KIRREL3: variants seen among roughly 807,000 people sequenced by gnomAD.
KIRREL3 encodes kirre like nephrin family adhesion molecule 3, also known as kin of IRRE-like protein 3.
In KIRREL3, 36 loss-of-function variants were observed where a neutral mutation model predicts 89.7. The ratio of observed to expected loss-of-function variants is 0.40; its 90% CI spans 0.31 to 0.53. The LOEUF (loss-of-function observed/expected upper bound fraction) is 0.53. KIRREL3 is among the 20% of genes least tolerant of loss of function. KIRREL3 has a pLI of 0.49. For missense variants in KIRREL3, 864 were observed against 1,056.6 expected (o/e 0.82, Z 2.53); for synonymous variants, 445 against 441.4 (o/e 1.01, Z -0.10).
intron 1 of KIRREL3, among the ~76,000 whole-genome samples, chr11:126,583,882 A>AC (rs1384006628): frequency 2.6e-5 from 4 of 152,148 alleles, no homozygotes; most frequent in Admixed American, 2.6e-4. Flanking sequence ...CCTGTGTGCA[A>AC]CCCGCTGTGG....
intron 1 of KIRREL3, among the ~76,000 whole-genome samples, chr11:126,737,137 G>A (rs1948827575): frequency 6.6e-6 from 1 of 152,158 alleles, no homozygotes; most frequent in African/African-American, 2.4e-5. Flanking sequence ...CTTGCCAAGG[G>A]GAAAATGAAT....
At chr11:126,665,731 C>A (rs1945632140) in intron 1 of KIRREL3, among the ~76,000 whole-genome samples, 1 of 152,202 alleles carries the variant, frequency 6.6e-6, no homozygotes, top group Non-Finnish European at 1.5e-5. Flanking sequence ...TTTGTTACTG[C>A]AGCCCAAATG....
chr11:126,433,232 C>A (rs1311469717), intron 13 of KIRREL3, among the ~76,000 whole-genome samples: 1 of 152,230 alleles, frequency 6.6e-6, no homozygotes, highest in Non-Finnish European at 1.5e-5. Flanking sequence ...CTGAGCCCCT[C>A]CCCAGCCTAC....
chr11:126,894,090 A>T (rs1946038695), intron 1 of KIRREL3, among the ~76,000 whole-genome samples: 1 of 152,162 alleles, frequency 6.6e-6, no homozygotes, highest in Admixed American at 6.5e-5. Flanking sequence ...TGACACGTCC[A>T]CCTCGTCCTG....
chr11:126,706,068 C>T (rs1224214223), intron 1 of KIRREL3, among the ~76,000 whole-genome samples: 1 of 152,190 alleles, frequency 6.6e-6, no homozygotes, highest in African/African-American at 2.4e-5. Flanking sequence ...ACCACTAGGG[C>T]CTTCTAGCCC....
At chr11:126,502,085 T>C (rs917274581) in intron 4 of KIRREL3, among the ~76,000 whole-genome samples, 4 of 152,270 alleles carry the variant, frequency 2.6e-5, no homozygotes, top group Admixed American at 2.6e-4. Context: ...ATAATGAATG[T>C]AAAAAACTCT....
rs984820335 is a variant in KIRREL3, at chr11:126,531,849, G to A, written c.134-5162C>T. ...GTGTTCCCAGCTGTGGGTGAGCACC[G>A]GTTACACGTCTGTCACATGTGCCTT... is the stretch of plus-strand genomic sequence containing the variant. On this transcript the variant is annotated intron_variant, in intron 2 of 16. Transcript: ENST00000525144. The surrounding 1 kb of genome is among the most constrained non-coding windows in gnomAD (Gnocchi z 4.7). Among the ~76,000 whole-genome samples, 2 of 152,168 alleles carry A rather than the reference G, an allele frequency of 1.3e-5. No homozygotes were observed. Among genetic ancestry groups the A allele is most frequent in the Non-Finnish European group, 2.9e-5 (2 of 68,040 alleles).
rs1223368153 is a variant in KIRREL3 at position 126,573,014 on chromosome 11, GAGA to G, written c.56-10105_56-10103del. ...ACTTGGCACAAGGGAAGGGGGCAGAGAGAAGAACAAAATGTCCTGCGAGTGGGG... is the reference window on the plus strand; with the variant it reads ...ACTTGGCACAAGGGAAGGGGGCAGAGAGAACAAAATGTCCTGCGAGTGGGG... On this transcript the variant is annotated intron_variant, in intron 1 of 16. Coordinates refer to ENST00000525144, the MANE Select transcript of KIRREL3 (RefSeq NM_032531.4). Among the ~76,000 whole-genome samples, 7 of 152,324 alleles carry G rather than the reference GAGA, an allele frequency of 4.6e-5. No homozygotes were observed. The South Asian group carries it at 6.2e-4, about 14-fold the overall frequency.
intron 2 of KIRREL3, among the ~76,000 whole-genome samples, chr11:126,539,380 G>A (rs1330910645): frequency 2.0e-5 from 3 of 152,116 alleles, no homozygotes; most frequent in Non-Finnish European, 4.4e-5. Flanking sequence ...TGTACTTCAT[G>A]AGAAGTCATC....
Position 126,496,610 on chromosome 11 carries a change from T to G in KIRREL3, c.434-23144A>C, listed in dbSNP as rs1957663308. 6.6e-6 allele frequency among the ~76,000 whole-genome samples: 1 copy of G among 150,574 alleles called. No individual in the cohort carries two copies. The highest frequency in any genetic ancestry group is 2.4e-5 in the African/African-American group (1 of 40,820). On this transcript the variant is annotated intron_variant, in intron 4 of 16. Coordinates refer to ENST00000525144, the MANE Select transcript of KIRREL3 (RefSeq NM_032531.4). This position sits in a 1 kb window ranked among gnomAD's most constrained non-coding sequence, Gnocchi z 4.9. The stretch of plus-strand genomic sequence containing the variant: ...ACCACATCCACAGGGTCTTGGGAGG[T>G]GGGGTGGAGGGACATTCCTGGAGAA...
chr11:126,930,348 T>A (rs925123495), intron 1 of KIRREL3, among the ~76,000 whole-genome samples: 2 of 152,302 alleles, frequency 1.3e-5, no homozygotes, highest in African/African-American at 4.8e-5. Context: ...CCCACCATTC[T>A]TTGCGATGTT....
rs778576299 is a variant in KIRREL3 at position 126,430,219 on chromosome 11, C to T, written c.1697-931G>A. On this transcript the variant is annotated intron_variant, in intron 14 of 16. Transcript: ENST00000525144. This position sits in a 1 kb window ranked among gnomAD's most constrained non-coding sequence, Gnocchi z 6.6. ...CAGCACATTGGGAGGCCGAGGAAGG[C>T]GGACCACTTGAGGCCAGGAGTTCGA... Among the ~76,000 whole-genome samples the T allele has an allele frequency of 9.2e-5, 14 of 151,488 alleles. No individual in the cohort carries two copies. Among genetic ancestry groups the T allele is most frequent in the Non-Finnish European group, 1.3e-4 (9 of 67,924 alleles).
In KIRREL3 at chr11:126,555,898, G is replaced by C. The variant is rs192118550; in HGVS notation, c.133+6937C>G. ...TGGGATTACAGGTGTGTGCCACCACGCCTGGCTAATTTTTTGTGTTTTTGG... is the reference window on the plus strand; with the variant it reads ...TGGGATTACAGGTGTGTGCCACCACCCCTGGCTAATTTTTTGTGTTTTTGG... On this transcript the variant is annotated intron_variant, in intron 2 of 16. Transcript: ENST00000525144. The surrounding 1 kb of genome is among the most constrained non-coding windows in gnomAD (Gnocchi z 4.2). 1.8e-4 allele frequency among the ~76,000 whole-genome samples: 27 copies of C among 152,096 alleles called. No homozygotes were observed. Among genetic ancestry groups the C allele is most frequent in the African/African-American group, 6.5e-4 (27 of 41,488 alleles).
chr11:126,437,587 T>C (rs913850938), intron 11 of KIRREL3, among the ~76,000 whole-genome samples: 4 of 151,664 alleles, frequency 2.6e-5, no homozygotes, highest in Admixed American at 6.6e-5. Context: ...TGTGCACATG[T>C]CACAACATGC....
intron 1 of KIRREL3, among the ~76,000 whole-genome samples, chr11:126,793,533 C>A (rs1318546527): frequency 1.3e-5 from 2 of 152,140 alleles, no homozygotes; most frequent in Non-Finnish European, 1.5e-5. Flanking sequence ...GGAGTTCCTG[C>A]AGAAGGTGCA....
chr11:126,939,181 C>G (rs1939991), intron 1 of KIRREL3, among the ~76,000 whole-genome samples: 120,740 of 152,168 alleles, frequency 0.79, 48,059 homozygotes, highest in South Asian at 0.83. Flanking sequence ...AAAACCAGTT[C>G]AGAGAAATTT....
chr11:126,647,255 T>G lies in KIRREL3; in HGVS notation c.56-84343A>C, dbSNP rs1944724732. Among the ~76,000 whole-genome samples the G allele has an allele frequency of 1.3e-5, 2 of 152,238 alleles. No homozygotes were observed. The highest frequency in any genetic ancestry group is 4.1e-4 in the South Asian group (2 of 4,834). On this transcript the variant is annotated intron_variant, in intron 1 of 16. Coordinates refer to ENST00000525144, the MANE Select transcript of KIRREL3 (RefSeq NM_032531.4). This position sits in a 1 kb window ranked among gnomAD's most constrained non-coding sequence, Gnocchi z 4.9. ...AAATCTCCAAGCCCCAGTGCTTGTC[T>G]GCTGGGGTTTCTAGCTGGAAATCAG...
At chr11:126,592,021 G>C (rs1942160972) in intron 1 of KIRREL3, among the ~76,000 whole-genome samples, 1 of 152,094 alleles carries the variant, frequency 6.6e-6, no homozygotes, top group African/African-American at 2.4e-5. Flanking sequence ...GGGGTCGCTT[G>C]CCTTTGGACT....
At position 126,471,337 on chromosome 11, in the gene KIRREL3, T is replaced by G. The variant is rs944186444; in HGVS notation, c.591+1972A>C. Reference sequence around the variant, plus strand: ...GTGAGCTGAGATCACGCCATTGCACTCCAGTCTGGGCAACAAGAGTGAAAC... The same window carrying G: ...GTGAGCTGAGATCACGCCATTGCACGCCAGTCTGGGCAACAAGAGTGAAAC... On this transcript the variant is annotated intron_variant, in intron 5 of 16. Transcript: ENST00000525144. The surrounding 1 kb of genome is among the most constrained non-coding windows in gnomAD (Gnocchi z 5.4). Among the ~76,000 whole-genome samples the G allele has an allele frequency of 6.6e-6, 1 of 151,656 alleles. No homozygotes were observed. The highest frequency in any genetic ancestry group is 2.4e-5 in the African/African-American group (1 of 41,326).
Sources: allele counts gnomAD v4.1 joint callset (sites outside exome capture counted in the v4.1 genomes callset), GRCh38; gene constraint gnomAD v4.1.1; non-coding constraint Gnocchi (gnomAD v3.1); transcripts MANE v1.5; gene names NCBI Gene and HGNC (gene_info 2026-07-23, HGNC 2026-07-21).